Variants in PRX observed in about 807,000 individuals in gnomAD.
PRX encodes the protein periaxin.
PRX carries 24 observed loss-of-function variants against 29.6 expected under a neutral mutation model. That is an observed-to-expected ratio of 0.81 (90% CI 0.59 to 1.14). PRX has a LOEUF of 1.14. Among genes scored for constraint, PRX ranks in the 50% most tolerant of loss-of-function variants. The pLI, the probability that PRX is intolerant of heterozygous loss-of-function variation, is 0.00. For synonymous variants in PRX, 772 were observed against 831.7 expected, an observed-to-expected ratio of 0.93 and a Z score of 1.24; for missense variants, 1,838 against 1,926.4, an observed-to-expected ratio of 0.95 and a Z score of 0.86.
At position 40,407,995 on chromosome 19, in the gene PRX, C is replaced by A. The variant is rs984624247; in HGVS notation, c.-63G>T. 3.1e-6 allele frequency: 5 copies of A among 1,610,078 alleles called. No homozygotes were observed. The highest frequency in any genetic ancestry group is 4.2e-6 in the Non-Finnish European group (5 of 1,178,434). On this transcript the variant is annotated 5_prime_UTR_variant, in exon 4 of 7. Coordinates refer to ENST00000324001, the MANE Select transcript of PRX (RefSeq NM_181882.3). Reference sequence around the variant, plus strand: ...GTCCTCTCCCCTTTCTGCTGCAGAACCAGCTTCAGTTCTGCATGGAGCAGC... The same window carrying A: ...GTCCTCTCCCCTTTCTGCTGCAGAAACAGCTTCAGTTCTGCATGGAGCAGC...
In PRX at chr19:40,396,547, T is replaced by G. The variant is rs2079439386; in HGVS notation, c.1805A>C (p.Glu602Ala). 2.5e-6 allele frequency: 4 copies of G among 1,614,092 alleles called. No individual in the cohort carries two copies. The highest frequency in any genetic ancestry group is 3.4e-6 in the Non-Finnish European group (4 of 1,180,010). Residue 602 changes from glutamate to alanine, a missense_variant, in exon 7 of 7, where the codon GAA becomes GCA. Transcript: ENST00000324001. ...EMKLPEMKLPEVQLPKVPEMA... is the reference protein window; with the variant it reads ...EMKLPEMKLPAVQLPKVPEMA... ...CTCGGGCACCTTCGGGAGTTGCACTTCAGGGAGTTTCATCTCAGGAAGTTT... is the reference window on the plus strand; with the variant it reads ...CTCGGGCACCTTCGGGAGTTGCACTGCAGGGAGTTTCATCTCAGGAAGTTT...
In PRX at chr19:40,395,413, G is replaced by C; in HGVS notation, c.2939C>G (p.Ala980Gly). The C allele has an allele frequency of 6.2e-7, 1 of 1,613,938 alleles. No homozygotes were observed. Among genetic ancestry groups the C allele is most frequent in the Non-Finnish European group, 8.5e-7 (1 of 1,179,966 alleles). Residue 980 changes from alanine (A) to glycine (G), a missense_variant, in exon 7 of 7, where the codon GCT (alanine) becomes GGT (glycine). Around this residue, in one of 3 missense-constraint regions of PRX, gnomAD observed 1,143 missense variants for 1,193.0 expected, o/e 0.96. Coordinates refer to ENST00000324001, the MANE Select transcript of PRX (RefSeq NM_181882.3). ...GGCAGGCAGCAGGCCTGCCTCCCCA[G>C]CCCCTTTGGCCTCAGCCTCAGCCCC... ...RVGAEAEAKG[A>G]GEAGLLPALD...
chr19:40,397,002 G>C lies in PRX; in HGVS notation c.1350C>G (p.Val450=). The C allele has an allele frequency of 6.2e-7, 1 of 1,614,126 alleles. No homozygotes were observed. Among genetic ancestry groups the C allele is most frequent in the South Asian group, 1.1e-5 (1 of 91,086 alleles). ...PEVKLPKAPE[V]KLPKVPEAAL... Reference sequence around the variant, plus strand: ...CTGCCTCGGGCACTTTTGGAAGCTTGACCTCAGGAGCCTTGGGGAGCTTCA... The same window carrying C: ...CTGCCTCGGGCACTTTTGGAAGCTTCACCTCAGGAGCCTTGGGGAGCTTCA... The change falls in exon 7 of 7, where the codon GTC becomes GTG. Residue 450 remains valine, a synonymous_variant. Coordinates refer to ENST00000324001, the MANE Select transcript of PRX (RefSeq NM_181882.3).
chr19:40,411,535 G>A (rs961843367), intron 1 of PRX, among the ~76,000 whole-genome samples: 8 of 152,086 alleles, frequency 5.3e-5, no homozygotes, highest in Admixed American at 2.0e-4. Context: ...GGTCATGCCC[G>A]GAGCCTGGCA....
rs1356962074 is a variant in PRX, at chr19:40,395,984, C to T, written c.2368G>A (p.Glu790Lys). 1.2e-6 allele frequency: 2 copies of T among 1,614,098 alleles called. No individual in the cohort carries two copies. Among genetic ancestry groups the T allele is most frequent in the East Asian group, 2.2e-5 (1 of 44,892 alleles). ...CCAAATTCCATCCCTTCTGCCTGTT[C>T]TGCCTTGGTGGCCTTTAGCTGCACC... ...PEVQLKATKA[E>K]QAEGMEFGFK... The change falls in exon 7 of 7, where the codon GAA becomes AAA. Residue 790 changes from glutamate (E) to lysine (K), a missense_variant. Around this residue, in one of 3 missense-constraint regions of PRX, gnomAD observed 1,143 missense variants for 1,193.0 expected, o/e 0.96. Coordinates refer to ENST00000324001, the MANE Select transcript of PRX (RefSeq NM_181882.3).
chr19:40,394,273 T>C lies in PRX; in HGVS notation c.4079A>G (p.Glu1360Gly), dbSNP rs2079407098. 1 of 1,241,684 alleles carries C rather than the reference T, an allele frequency of 8.1e-7. No individual in the cohort carries two copies. The highest frequency in any genetic ancestry group is 1.0e-6 in the Non-Finnish European group (1 of 956,080). 76.9% of individuals were successfully genotyped at this position (1,241,684 alleles called of 1,614,324 possible). A position where few individuals can be genotyped will look rare whatever the true frequency, so the allele number is the denominator to read the frequency against. Reference sequence around the variant, plus strand: ...CGAGGCCCCTTCCCCACTGCCCTCTTCCTCCTCCTCCTCCTCCTCCTCGGG... The same window carrying C: ...CGAGGCCCCTTCCCCACTGCCCTCTCCCTCCTCCTCCTCCTCCTCCTCGGG... ...PSPEEEEEEEEEGSGEGASGR... is the reference protein window; with the variant it reads ...PSPEEEEEEEGEGSGEGASGR... Residue 1360 changes from glutamate (E) to glycine (G), a missense_variant, in exon 7 of 7, where the codon GAA becomes GGA. Transcript: ENST00000324001. This position sits in a 1 kb window ranked among gnomAD's most constrained non-coding sequence, Gnocchi z 5.8.
chr19:40,398,911 C>T lies in PRX; in HGVS notation c.185-95G>A. On this transcript the variant is annotated intron_variant, in intron 5 of 6. Transcript: ENST00000324001. This position sits in a 1 kb window ranked among gnomAD's most constrained non-coding sequence, Gnocchi z 6.3. ...TTGCACGGAGCCCTCGCGGTGAGGA[C>T]CCGCCCCAAATTTTAGTTTCTCCAA... 6.3e-7 allele frequency: 1 copy of T among 1,578,122 alleles called. No homozygotes were observed. Among genetic ancestry groups the T allele is most frequent in the African/African-American group, 1.4e-5 (1 of 73,904 alleles).
rs139586219 is a variant in PRX at position 40,396,727 on chromosome 19, C to T, written c.1625G>A (p.Arg542Gln). 5.8e-4 allele frequency: 930 copies of T among 1,611,704 alleles called. 10 individuals carry two copies. In the East Asian group the frequency reaches 0.02, roughly 35 times the overall value. Reference sequence around the variant, plus strand: ...TTTCGGCAGCTGTACCTCTGGAAGCCGCACCTCCGGCACAGCCATCTCTGG... The same window carrying T: ...TTTCGGCAGCTGTACCTCTGGAAGCTGCACCTCCGGCACAGCCATCTCTGG... ...KVPEMAVPEV[R>Q]LPEVQLPKVS... is the part of the protein sequence containing the mutation. Residue 542 changes from arginine to glutamine, a missense_variant, in exon 7 of 7, where the codon CGG (arginine) becomes CAG (glutamine). Coordinates refer to ENST00000324001, the MANE Select transcript of PRX (RefSeq NM_181882.3).
Position 40,397,652 on chromosome 19 carries a change from C to T in PRX, c.700G>A (p.Val234Met), listed in dbSNP as rs2079454282. ...AAGARFTAPQ[V>M]ELVGPRLPGA... Reference sequence around the variant, plus strand: ...GGCAGCCGCGGCCCAACCAGCTCCACCTGAGGGGCTGTGAAACGAGCTCCT... The same window carrying T: ...GGCAGCCGCGGCCCAACCAGCTCCATCTGAGGGGCTGTGAAACGAGCTCCT... The change falls in exon 7 of 7, where the codon GTG (valine) becomes ATG (methionine). Residue 234 changes from valine (V) to methionine (M), a missense_variant. This residue lies in a region of PRX where 666 missense variants were observed against 665.0 expected (regional missense o/e 1.00). Transcript: ENST00000324001. 3 of 1,549,446 alleles carry T rather than the reference C, an allele frequency of 1.9e-6. No individual in the cohort carries two copies. Among genetic ancestry groups the T allele is most frequent in the Non-Finnish European group, 2.6e-6 (3 of 1,153,410 alleles).
At position 40,396,505 on chromosome 19, in the gene PRX, A is replaced by G; in HGVS notation, c.1847T>C (p.Val616Ala). ...TGGAAGCTGCACTTCTGGGAGGTGC[A>G]CATCGGGCACGGCCATCTCGGGCAC... Reference protein sequence around the residue: ...PKVPEMAVPDVHLPEVQLPKV... With the variant: ...PKVPEMAVPDAHLPEVQLPKV... The change falls in exon 7 of 7, where the codon GTG (valine) becomes GCG (alanine). Residue 616 changes from valine (V) to alanine (A), a missense_variant. By Grantham distance (64) the Val-to-Ala change is moderately conservative (BLOSUM62 0). Coordinates refer to ENST00000324001, the MANE Select transcript of PRX (RefSeq NM_181882.3). 1 of 1,613,966 alleles carries G rather than the reference A, an allele frequency of 6.2e-7. No homozygotes were observed. Among genetic ancestry groups the G allele is most frequent in the Non-Finnish European group, 8.5e-7 (1 of 1,179,980 alleles).
chr19:40,410,898 G>A (rs904000627), intron 1 of PRX, among the ~76,000 whole-genome samples: 4 of 152,082 alleles, frequency 2.6e-5, no homozygotes, highest in African/African-American at 9.7e-5. Context: ...AATAAAAAAA[G>A]CTCCAGCGCT....
chr19:40,399,055 T>C (rs1329007666), intron 5 of PRX, among the ~76,000 whole-genome samples: 3 of 145,426 alleles, frequency 2.1e-5, no homozygotes, highest in Non-Finnish European at 4.5e-5. Context: ...GTCGCTCCCC[T>C]ACCCATCCTT....
chr19:40,394,272 T>TTCC lies in PRX; in HGVS notation c.4077_4079dup (p.Glu1361dup), dbSNP rs139624657. 245 of 1,605,126 alleles carry TTCC rather than the reference T, an allele frequency of 1.5e-4. No homozygotes were observed. The highest frequency in any genetic ancestry group is 8.0e-4 in the African/African-American group (60 of 74,632). ...CCGAGGCCCCTTCCCCACTGCCCTC[T>TTCC]TCCTCCTCCTCCTCCTCCTCCTCGG... is the stretch of plus-strand genomic sequence containing the variant. On this transcript the variant is annotated inframe_insertion, in exon 7 of 7. Coordinates refer to ENST00000324001, the MANE Select transcript of PRX (RefSeq NM_181882.3). This position sits in a 1 kb window ranked among gnomAD's most constrained non-coding sequence, Gnocchi z 5.8.
chr19:40,402,088 C>T (rs1048528096), intron 5 of PRX, among the ~76,000 whole-genome samples: 35 of 152,268 alleles, frequency 2.3e-4, no homozygotes, highest in African/African-American at 7.5e-4. Context: ...CTCGGTGGCT[C>T]ACGCCTGTAA....
intron 4 of PRX, chr19:40,407,593 A>T (rs2079537923): frequency 1.9e-6 from 1 of 521,192 alleles, no homozygotes; most frequent in Admixed American, 3.2e-5. Context: ...GCGCCACTGC[A>T]CCTGGCATAT....
At position 40,395,746 on chromosome 19, in the gene PRX, C is replaced by A; in HGVS notation, c.2606G>T (p.Gly869Val). The A allele has an allele frequency of 6.2e-7, 1 of 1,613,978 alleles. No individual in the cohort carries two copies. Among genetic ancestry groups the A allele is most frequent in the African/African-American group, 1.3e-5 (1 of 75,048 alleles). Reference sequence around the variant, plus strand: ...GCCCATTTTAGCGGCTGGGACCTGCCCCTGCAGGCCAAGTGCTCCTGGCAG... The same window carrying A: ...GCCCATTTTAGCGGCTGGGACCTGCACCTGCAGGCCAAGTGCTCCTGGCAG... ...LDLPGALGLQ[G>V]QVPAAKMGKG... The change falls in exon 7 of 7, where the codon GGG (glycine) becomes GTG (valine). Residue 869 changes from glycine (G) to valine (V), a missense_variant. Gly to Val is a moderately radical substitution (Grantham distance 109). Around this residue, in one of 3 missense-constraint regions of PRX, gnomAD observed 1,143 missense variants for 1,193.0 expected, o/e 0.96. Coordinates refer to ENST00000324001, the MANE Select transcript of PRX (RefSeq NM_181882.3).
rs77917609 is a variant in PRX at position 40,397,633 on chromosome 19, C to T, written c.719G>A (p.Arg240Gln). 393 of 1,543,140 alleles carry T rather than the reference C, an allele frequency of 2.5e-4. No individual in the cohort carries two copies. The African/African-American group carries it at 4.6e-3, about 18-fold the overall frequency. ...TAPQVELVGP[R>Q]LPGAEVGVPQ... ...GACACCCACCTCCGCCCCTGGCAGC[C>T]GCGGCCCAACCAGCTCCACCTGAGG... Residue 240 changes from arginine (R) to glutamine (Q), a missense_variant, in exon 7 of 7, where the codon CGG becomes CAG. This residue lies in a region of PRX where 666 missense variants were observed against 665.0 expected (regional missense o/e 1.00). Transcript: ENST00000324001.
At chr19:40,412,107 G>T (rs978086586) in intron 1 of PRX, among the ~76,000 whole-genome samples, 1 of 152,190 alleles carries the variant, frequency 6.6e-6, no homozygotes, top group African/African-American at 2.4e-5. Flanking sequence ...TGCCCTTCTG[G>T]CCCTCTTTCC....
intron 5 of PRX, among the ~76,000 whole-genome samples, chr19:40,402,498 G>A (rs1422068141): frequency 6.6e-6 from 1 of 151,120 alleles, no homozygotes; most frequent in Non-Finnish European, 1.5e-5. Flanking sequence ...CCGGCTGGGC[G>A]CGGTGGCTCA....
Sources: allele counts gnomAD v4.1 joint callset (sites outside exome capture counted in the v4.1 genomes callset), GRCh38; gene constraint gnomAD v4.1.1; regional missense constraint gnomAD v4.1.1; non-coding constraint Gnocchi (gnomAD v3.1); transcripts MANE v1.5; gene names NCBI Gene and HGNC (gene_info 2026-07-23, HGNC 2026-07-21).